EPHA3: variants seen among roughly 807,000 people sequenced by gnomAD.
EPHA3 encodes ephrin type-A receptor 3.
In EPHA3, 42 loss-of-function variants were observed where a neutral mutation model predicts 107.1. That is an observed-to-expected ratio of 0.39 (90% CI 0.31 to 0.51). The LOEUF (loss-of-function observed/expected upper bound fraction) is 0.51, where lower values mean the gene tolerates loss of function less well. EPHA3 is among the 20% of genes least tolerant of loss of function. The pLI, the probability that EPHA3 is intolerant of heterozygous loss-of-function variation, is 0.78. For synonymous variants in EPHA3, 461 were observed against 424.8 expected (o/e 1.09, Z -1.05); for missense variants, 1,183 against 1,211.2 (o/e 0.98, Z 0.35).
At chr3:89,281,843 C>A (rs141571650) in intron 3 of EPHA3, among the ~76,000 whole-genome samples, 1 of 152,092 alleles carries the variant, frequency 6.6e-6, no homozygotes, top group Non-Finnish European at 1.5e-5. Flanking sequence ...CGATTTTATG[C>A]GCACTGTAAA....
chr3:89,419,257 G>T lies in EPHA3; in HGVS notation c.1941G>T (p.Glu647Asp), dbSNP rs201062946. ...GCTTAAAACTTCCTTCAAAAAAAGA[G>T]ATTTCAGTGGCCATTAAGACCCTGA... ...SGRLKLPSKK[E>D]ISVAIKTLKV... The change falls in exon 11 of 17, where the codon GAG becomes GAT. Residue 647 changes from glutamate to aspartate, a missense_variant. Physicochemically the swap from Glu to Asp is conservative, Grantham distance 45. Coordinates refer to ENST00000336596, the MANE Select transcript of EPHA3 (RefSeq NM_005233.6). The T allele has an allele frequency of 3.7e-6, 6 of 1,610,144 alleles. No homozygotes were observed. The East Asian group carries it at 1.3e-4, about 36-fold the overall frequency.
At chr3:89,375,643 C>T (rs750984977) in intron 5 of EPHA3, among the ~76,000 whole-genome samples, 1 of 151,764 alleles carries the variant, frequency 6.6e-6, no homozygotes, top group South Asian at 2.1e-4. Flanking sequence ...CCCAAGACTT[C>T]CAGCCTAAAG....
intron 3 of EPHA3, among the ~76,000 whole-genome samples, chr3:89,234,117 C>T (rs952433240): frequency 2.0e-5 from 3 of 151,638 alleles, no homozygotes; most frequent in African/African-American, 7.3e-5. Flanking sequence ...ACAAATTATG[C>T]CATGAAAGAG....
At chr3:89,170,859 G>A (rs561211137) in intron 2 of EPHA3, among the ~76,000 whole-genome samples, 1 of 151,836 alleles carries the variant, frequency 6.6e-6, no homozygotes, top group Admixed American at 6.6e-5. Context: ...CTAGAATTAA[G>A]TTCAGTAGTT....
At chr3:89,412,743 T>C (rs1327260548) in intron 9 of EPHA3, among the ~76,000 whole-genome samples, 1 of 151,770 alleles carries the variant, frequency 6.6e-6, no homozygotes, top group South Asian at 2.1e-4. Context: ...GTAATACATA[T>C]CTGGTTATTA....
intron 2 of EPHA3, among the ~76,000 whole-genome samples, chr3:89,143,760 A>G (rs1253456719): frequency 6.6e-6 from 1 of 151,604 alleles, no homozygotes; most frequent in Non-Finnish European, 1.5e-5. Context: ...TTCAGATTTC[A>G]CTATATTTTC....
At chr3:89,454,832 AT>A (rs140358360) in intron 15 of EPHA3, among the ~76,000 whole-genome samples, 3 of 151,390 alleles carry the variant, frequency 2.0e-5, no homozygotes, top group Non-Finnish European at 2.9e-5. Flanking sequence ...ATCCCTACAA[AT>A]TTTTTTTTAA....
intron 13 of EPHA3, 75 bp from the exon 14 acceptor site, chr3:89,449,150 G>T (rs549430707): frequency 7.6e-7 from 1 of 1,313,616 alleles, no homozygotes; most frequent in Non-Finnish European, 1.0e-6. Context: ...AATTCTGTCC[G>T]GTTTCAGATT....
intron 14 of EPHA3, 45 bp downstream of exon 14, chr3:89,449,419 C>A (rs770278255): frequency 6.7e-7 from 1 of 1,495,362 alleles, no homozygotes; most frequent in Non-Finnish European, 9.1e-7. Context: ...ATGAAAAGAT[C>A]AAGCTGTGCA....
At chr3:89,270,475 C>A (rs1360308301) in intron 3 of EPHA3, among the ~76,000 whole-genome samples, 2 of 152,056 alleles carry the variant, frequency 1.3e-5, no homozygotes, top group Non-Finnish European at 2.9e-5. Context: ...CAGCCTGATC[C>A]TCACTTCTGT....
chr3:89,249,082 G>A (rs1489406515), intron 3 of EPHA3, among the ~76,000 whole-genome samples: 1 of 152,194 alleles, frequency 6.6e-6, no homozygotes, highest in Non-Finnish European at 1.5e-5. Context: ...AATGAGCTGT[G>A]AGTAAAAGTG....
chr3:89,220,174 C>G (rs188762710), intron 3 of EPHA3, among the ~76,000 whole-genome samples: 37 of 152,248 alleles, frequency 2.4e-4, no homozygotes, highest in African/African-American at 8.7e-4. Context: ...TTGAGAAACT[C>G]TGGTCTAGTT....
In EPHA3 at chr3:89,350,970, C is replaced by T. The variant is rs189842439; in HGVS notation, c.1306+8880C>T. Among the ~76,000 whole-genome samples the T allele has an allele frequency of 9.0e-3, 1,367 of 151,482 alleles. 63 individuals carry two copies. The highest frequency in any genetic ancestry group is 0.012 in the Non-Finnish European group (842 of 67,564). Reference sequence around the variant, plus strand: ...GGACCCACTTGAGGAGGCAGTCTGCCGGTTCTCAGATCTCCAGCTGCGTGT... The same window carrying T: ...GGACCCACTTGAGGAGGCAGTCTGCTGGTTCTCAGATCTCCAGCTGCGTGT... On this transcript the variant is annotated intron_variant, in intron 5 of 16. Transcript: ENST00000336596.
At chr3:89,223,652 A>G (rs1213623860) in intron 3 of EPHA3, among the ~76,000 whole-genome samples, 1 of 152,182 alleles carries the variant, frequency 6.6e-6, no homozygotes, top group East Asian at 1.9e-4. Context: ...ATTCCTACAA[A>G]ATAATTAAGA....
chr3:89,386,319 G>T (rs1266400720), intron 5 of EPHA3, among the ~76,000 whole-genome samples: 2 of 152,184 alleles, frequency 1.3e-5, no homozygotes, highest in Non-Finnish European at 2.9e-5. Context: ...TTGAGGGCCA[G>T]TCCAAGGACC....
At chr3:89,442,714 G>A (rs146418833) in intron 13 of EPHA3, among the ~76,000 whole-genome samples, 7 of 152,188 alleles carry the variant, frequency 4.6e-5, no homozygotes, top group African/African-American at 1.4e-4. Context: ...ATTTTTTCCT[G>A]TCCATATTGG....
chr3:89,248,257 G>A (rs768742314), intron 3 of EPHA3, among the ~76,000 whole-genome samples: 2 of 152,078 alleles, frequency 1.3e-5, no homozygotes, highest in Non-Finnish European at 2.9e-5. Context: ...AGACCTCCAC[G>A]TTACCAGACA....
At chr3:89,110,697 T>C (rs1176462695) in intron 1 of EPHA3, among the ~76,000 whole-genome samples, 1 of 152,008 alleles carries the variant, frequency 6.6e-6, no homozygotes, top group Non-Finnish European at 1.5e-5. Flanking sequence ...CATGGCAAAA[T>C]ATGATTGCTA....
chr3:89,235,867 T>C (rs143693398), intron 3 of EPHA3, among the ~76,000 whole-genome samples: 1 of 151,686 alleles, frequency 6.6e-6, no homozygotes, highest in Admixed American at 6.6e-5. Flanking sequence ...ATTGAAAATA[T>C]ATAAAGAATT....
Sources: gnomAD v4.1 joint callset for allele counts (sites outside exome capture counted in the v4.1 genomes callset) on GRCh38, gnomAD v4.1.1 for gene constraint, MANE v1.5 for transcripts, NCBI Gene and HGNC (gene_info 2026-07-23, HGNC 2026-07-21) for gene names.